BAZ2A: variants seen among roughly 807,000 people sequenced by gnomAD.
BAZ2A encodes the protein bromodomain adjacent to zinc finger domain 2A.
A neutral mutation model predicts 199.9 loss-of-function variants in BAZ2A; 34 were observed. That is an observed-to-expected ratio of 0.17 (90% CI 0.13 to 0.23). The LOEUF is 0.23. BAZ2A is among the 10% of genes least tolerant of loss of function. The probability of loss-of-function intolerance (pLI) is 1.00; values close to 1 mark genes in which losing one functional copy is unlikely to be tolerated. For synonymous variants in BAZ2A, 857 were observed against 883.9 expected (o/e 0.97, Z 0.54); for missense variants, 2,002 against 2,391.1 (o/e 0.84, Z 3.39).
chr12:56,636,538 A>G (rs1023972259), upstream of BAZ2A, among the ~76,000 whole-genome samples: 1 of 152,076 alleles, frequency 6.6e-6, no homozygotes, highest in African/African-American at 2.4e-5. Context: ...GGAAGGAAAC[A>G]AATAGTTGCA....
At position 56,614,068 on chromosome 12, in the gene BAZ2A, C is replaced by T. The variant is rs554132918; in HGVS notation, c.801G>A (p.Leu267=). ...VESLHQEVSV[L]VPDPTVSCLD... ...AACAGCTCACTGTGGGGTCAGGGAC[C>T]AGGACTGAGACCTCTTGGTGTAACG... is the stretch of plus-strand genomic sequence containing the variant. Residue 267 remains leucine (L), a synonymous_variant, in exon 4 of 29, where the codon CTG becomes CTA. Coordinates refer to ENST00000549884, the MANE Select transcript of BAZ2A (RefSeq NM_001300905.2). The T allele has an allele frequency of 1.2e-6, 2 of 1,613,922 alleles. No homozygotes were observed. Among genetic ancestry groups the T allele is most frequent in the Admixed American group, 3.3e-5 (2 of 60,002 alleles).
At chr12:56,602,236 G>A (rs1886559390) in intron 19 of BAZ2A, 44 bp from the exon 20 acceptor site, 1 of 1,476,794 alleles carries the variant, frequency 6.8e-7, no homozygotes, top group Non-Finnish European at 9.2e-7. Context: ...TGACATACAA[G>A]GGAAAAGTAA....
chr12:56,622,360 G>T (rs535580832), intron 1 of BAZ2A, among the ~76,000 whole-genome samples: 9 of 151,972 alleles, frequency 5.9e-5, no homozygotes, highest in Non-Finnish European at 1.3e-4. Context: ...AGATAATCAG[G>T]TCTAAACGGT....
In BAZ2A at chr12:56,615,322, C is replaced by G. The variant is rs1338551310; in HGVS notation, c.422G>C (p.Arg141Pro). 1.2e-6 allele frequency: 2 copies of G among 1,613,740 alleles called. No individual in the cohort carries two copies. Among genetic ancestry groups the G allele is most frequent in the African/African-American group, 2.7e-5 (2 of 74,870 alleles). The change falls in exon 3 of 29, where the codon CGG becomes CCG. Residue 141 changes from arginine to proline, a missense_variant. Arg to Pro is a moderately radical substitution (Grantham distance 103). Around this residue, in one of 6 missense-constraint regions of BAZ2A, gnomAD observed 641 missense variants for 694.5 expected, o/e 0.92. Coordinates refer to ENST00000549884, the MANE Select transcript of BAZ2A (RefSeq NM_001300905.2). Reference sequence around the variant, plus strand: ...GGCCCAGAACTCTTGGCTCCCAGCCCGAAGGTTAGTGTTATGACTTGGGGA... The same window carrying G: ...GGCCCAGAACTCTTGGCTCCCAGCCGGAAGGTTAGTGTTATGACTTGGGGA... ...PSSPSHNTNL[R>P]AGSQEFWANG...
At position 56,602,155 on chromosome 12, in the gene BAZ2A, T is replaced by C. The variant is rs749278850; in HGVS notation, c.3462A>G (p.Leu1154=). 6.3e-7 allele frequency: 1 copy of C among 1,591,608 alleles called. No individual in the cohort carries two copies. The highest frequency in any genetic ancestry group is 1.1e-5 in the South Asian group (1 of 87,182). Residue 1154 remains leucine, a synonymous_variant, in exon 20 of 29, where the codon TTA becomes TTG. Coordinates refer to ENST00000549884, the MANE Select transcript of BAZ2A (RefSeq NM_001300905.2). ...TGAGTGACGCATGGGCTGCCACTTTTAAGGAGTCAGTTTCCTTCTTTATCA... is the reference window on the plus strand; with the variant it reads ...TGAGTGACGCATGGGCTGCCACTTTCAAGGAGTCAGTTTCCTTCTTTATCA... ...EEVIKKETDS[L]KVAAHASLNP...
chr12:56,608,199 C>A (rs755330807), intron 10 of BAZ2A, among the ~76,000 whole-genome samples: 1 of 151,796 alleles, frequency 6.6e-6, no homozygotes, highest in Non-Finnish European at 1.5e-5. Context: ...GGTGAAACCC[C>A]GTCTCTACTA....
At chr12:56,609,361 G>A (rs1316569177) in intron 10 of BAZ2A, among the ~76,000 whole-genome samples, 1 of 152,032 alleles carries the variant, frequency 6.6e-6, no homozygotes, top group Non-Finnish European at 1.5e-5. Flanking sequence ...ATTATCTTTT[G>A]AATTCAGATG....
chr12:56,616,048 C>T (rs550716043), intron 2 of BAZ2A, among the ~76,000 whole-genome samples: 10 of 152,112 alleles, frequency 6.6e-5, no homozygotes, highest in South Asian at 2.1e-4. Context: ...GGACCACAGG[C>T]GCCCATCACC....
Position 56,597,808 on chromosome 12 carries a change from G to GGAAGCCTC in BAZ2A, c.*802_*809dup, listed in dbSNP as rs1455923471. ...GTGGGGAAGGAGGCTGGAAGGCCCA[G>GGAAGCCTC]GAAGCCTCCCTGCCCTCTCCCCAGC... On this transcript the variant is annotated 3_prime_UTR_variant, in exon 29 of 29. Coordinates refer to ENST00000549884, the MANE Select transcript of BAZ2A (RefSeq NM_001300905.2). 2.0e-5 allele frequency: 3 copies of GGAAGCCTC among 152,732 alleles called. No homozygotes were observed. Among genetic ancestry groups the GGAAGCCTC allele is most frequent in the Non-Finnish European group, 1.5e-5 (1 of 68,128 alleles). 9.5% of individuals were successfully genotyped at this position (152,732 alleles called of 1,614,324 possible). A position where few individuals can be genotyped will look rare whatever the true frequency, so the allele number is the denominator to read the frequency against.
At chr12:56,599,464 A>C in intron 26 of BAZ2A, 106 bp from the exon 27 acceptor site, 4 of 1,344,390 alleles carry the variant, frequency 3.0e-6, no homozygotes, top group Non-Finnish European at 3.0e-6. Context: ...ACTATCATGC[A>C]TAAGCCGGCA....
At chr12:56,635,003 C>A, upstream of BAZ2A, 1 of 984,450 alleles carries the variant, frequency 1.0e-6, no homozygotes, top group Non-Finnish European at 1.2e-6. The surrounding 1 kb of genome is among the most constrained non-coding windows in gnomAD (Gnocchi z 4.1). Flanking sequence ...GGTGGCCGAG[C>A]CGGGCGGCGG....
rs1466419500 is a variant in BAZ2A, at chr12:56,609,814, C to T, written c.2014G>A (p.Gly672Ser). ...KEVPKVKRGR[G>S]RPPKVKITEL... ...GTGATTTTGACCTTAGGTGGCCGAC[C>T]TCGACCCCGTTTCACCTTGGGGACT... Residue 672 changes from glycine to serine, a missense_variant, in exon 10 of 29, where the codon GGT (glycine) becomes AGT (serine). Physicochemically the swap from Gly to Ser is moderately conservative, Grantham distance 56 (BLOSUM62 0). Transcript: ENST00000549884. 1 of 1,613,890 alleles carries T rather than the reference C, an allele frequency of 6.2e-7. No individual in the cohort carries two copies. Among genetic ancestry groups the T allele is most frequent in the Non-Finnish European group, 8.5e-7 (1 of 1,179,858 alleles).
chr12:56,618,870 CA>C (rs961628029), intron 1 of BAZ2A, among the ~76,000 whole-genome samples: 4 of 145,112 alleles, frequency 2.8e-5, no homozygotes, highest in Non-Finnish European at 1.5e-5. Flanking sequence ...AACTCCATCT[CA>C]AAAAAAAAAG....
Position 56,602,121 on chromosome 12 carries a change from G to A in BAZ2A, c.3496C>T (p.Leu1166Phe). The A allele has an allele frequency of 6.3e-7, 1 of 1,593,054 alleles. No individual in the cohort carries two copies. Among genetic ancestry groups the A allele is most frequent in the Non-Finnish European group, 8.6e-7 (1 of 1,169,532 alleles). The change falls in exon 20 of 29, where the codon CTC becomes TTC. Residue 1166 changes from leucine (L) to phenylalanine (F), a missense_variant. Coordinates refer to ENST00000549884, the MANE Select transcript of BAZ2A (RefSeq NM_001300905.2). ...VAAHASLNPA[L>F]FSMKMELAGS... ...GCTAACTCCATCTTCATAGAGAAGAGGGCAGGGTTGAGTGACGCATGGGCT... is the reference window on the plus strand; with the variant it reads ...GCTAACTCCATCTTCATAGAGAAGAAGGCAGGGTTGAGTGACGCATGGGCT...
intron 13 of BAZ2A, chr12:56,605,611 G>T: frequency 1.6e-6 from 1 of 624,446 alleles, no homozygotes; most frequent in Non-Finnish European, 2.7e-6. Flanking sequence ...TTGTAGAGAT[G>T]AGGTCTCGCC....
At position 56,600,108 on chromosome 12, in the gene BAZ2A, A is replaced by G. The variant is rs770339570; in HGVS notation, c.4893-12T>C. On this transcript the variant is annotated splice_polypyrimidine_tract_variant and intron_variant, in intron 24 of 28. Coordinates refer to ENST00000549884, the MANE Select transcript of BAZ2A (RefSeq NM_001300905.2). ...TGATCTCATATGATCTGGAGGGAGAAAGTGGTGATCTTTGGAGAAGGAGCG... is the reference window on the plus strand; with the variant it reads ...TGATCTCATATGATCTGGAGGGAGAGAGTGGTGATCTTTGGAGAAGGAGCG... 6.2e-7 allele frequency: 1 copy of G among 1,613,818 alleles called. No homozygotes were observed. Among genetic ancestry groups the G allele is most frequent in the East Asian group, 2.2e-5 (1 of 44,878 alleles).
chr12:56,625,886 A>C (rs1237689665), intron 1 of BAZ2A, among the ~76,000 whole-genome samples: 2 of 151,608 alleles, frequency 1.3e-5, no homozygotes, highest in Non-Finnish European at 2.9e-5. Context: ...AAAAAAAAAA[A>C]AAAAAAAAAA....
chr12:56,631,754 A>G (rs766264445), upstream of BAZ2A, among the ~76,000 whole-genome samples: 13 of 152,328 alleles, frequency 8.5e-5, no homozygotes, highest in Non-Finnish European at 1.9e-4. Context: ...TGGGGTGTCA[A>G]CAAATACGTT....
In BAZ2A at chr12:56,630,276, G is replaced by A. The variant is rs982205712; in HGVS notation, c.-154C>T. The A allele has an allele frequency of 3.0e-6, 3 of 984,474 alleles. No individual in the cohort carries two copies. Among genetic ancestry groups the A allele is most frequent in the Non-Finnish European group, 3.6e-6 (3 of 829,132 alleles). The allele number at this position is 984,474 out of a possible 1,614,324, so 61.0% of individuals were successfully genotyped here. A position where few individuals can be genotyped will look rare whatever the true frequency, so the allele number is the denominator to read the frequency against. On this transcript the variant is annotated 5_prime_UTR_variant, in exon 1 of 29. Transcript: ENST00000549884. ...GGTTCGGGAAGGGGGAGGGGGACGC[G>A]GCTCAACCGCGGGGCCCGAGAGGAG...
Sources: gnomAD v4.1 joint callset for allele counts (sites outside exome capture counted in the v4.1 genomes callset) on GRCh38, gnomAD v4.1.1 for gene constraint, gnomAD v4.1.1 regional missense constraint, Gnocchi (gnomAD v3.1) non-coding constraint, MANE v1.5 for transcripts, NCBI Gene and HGNC (gene_info 2026-07-23, HGNC 2026-07-21) for gene names.